The following TPD52 variants were observed in gnomAD, a reference collection of about 807,000 sequenced individuals.
TPD52 encodes the protein tumor protein D52, also known as prostate and colon associated protein.
A neutral mutation model predicts 31.3 loss-of-function variants in TPD52; 17 were observed. That is an observed-to-expected ratio of 0.54 (90% CI 0.37 to 0.82). TPD52 has a LOEUF of 0.82. TPD52 is among the 40% of genes least tolerant of loss of function. The probability of loss-of-function intolerance (pLI) is 0.00; values close to 1 mark genes in which losing one functional copy is unlikely to be tolerated. For synonymous variants in TPD52, 83 were observed against 89.6 expected, an observed-to-expected ratio of 0.93 and a Z score of 0.42; for missense variants, 212 against 240.1, an observed-to-expected ratio of 0.88 and a Z score of 0.77.
chr8:80,056,757 G>A (rs1244634356), intron 2 of TPD52, among the ~76,000 whole-genome samples: 1 of 152,184 alleles, frequency 6.6e-6, no homozygotes, highest in African/African-American at 2.4e-5. Context: ...CACAGCTGGT[G>A]AGAATGTAAA....
chr8:80,155,437 T>C (rs1183790016), intron 1 of TPD52, among the ~76,000 whole-genome samples: 1 of 151,864 alleles, frequency 6.6e-6, no homozygotes, highest in Non-Finnish European at 1.5e-5. Flanking sequence ...TCAAACCAGG[T>C]AGGGGGTGTC....
Position 80,064,462 on chromosome 8 carries a change from AGGAAT to A in TPD52, c.135+11_135+15del, listed in dbSNP as rs767963690. The A allele has an allele frequency of 1.3e-6, 2 of 1,595,640 alleles. No homozygotes were observed. Among genetic ancestry groups the A allele is most frequent in the Non-Finnish European group, 1.7e-6 (2 of 1,163,464 alleles). On this transcript the variant is annotated intron_variant, in intron 2 of 7. Transcript: ENST00000518937. ...TTAAGTGCAAAAATAAAGTTGCAAA[AGGAAT>A]GGTTCTTTACCTTTGCAAGTTCTCT...
chr8:80,129,610 A>G (rs923678055), intron 1 of TPD52, among the ~76,000 whole-genome samples: 2 of 152,046 alleles, frequency 1.3e-5, no homozygotes, highest in Admixed American at 1.3e-4. Flanking sequence ...TGTATGTTCC[A>G]TAGTTTGTTT....
chr8:80,038,426 C>T (rs1810066685), intron 7 of TPD52, among the ~76,000 whole-genome samples, 191 bp from the exon 8 acceptor site: 1 of 152,084 alleles, frequency 6.6e-6, no homozygotes, highest in Admixed American at 6.5e-5. Flanking sequence ...CTCATGCATT[C>T]TCCCTTGCTG....
intron 1 of TPD52, among the ~76,000 whole-genome samples, chr8:80,065,437 C>T (rs981849128): frequency 1.1e-4 from 17 of 151,906 alleles, no homozygotes; most frequent in African/African-American, 3.4e-4. Flanking sequence ...CCCCTTGGAA[C>T]GGAGCCTGTC....
chr8:80,070,617 C>T (rs1248745420), intron 1 of TPD52, among the ~76,000 whole-genome samples: 1 of 152,184 alleles, frequency 6.6e-6, no homozygotes, highest in Admixed American at 6.5e-5. Context: ...GGCGGTAATG[C>T]TCACTCGCCT....
intron 1 of TPD52, among the ~76,000 whole-genome samples, chr8:80,116,239 G>T (rs984152085): frequency 6.6e-6 from 1 of 152,136 alleles, no homozygotes; most frequent in Non-Finnish European, 1.5e-5. Context: ...GTCACTAAAA[G>T]ATGAATTCAA....
At chr8:80,098,591 T>C (rs909138725) in intron 1 of TPD52, among the ~76,000 whole-genome samples, 2 of 152,246 alleles carry the variant, frequency 1.3e-5, no homozygotes, top group Admixed American at 1.3e-4. Context: ...AGCTGCAATC[T>C]CATGATAACA....
At chr8:80,069,292 T>A (rs1252732700) in intron 1 of TPD52, among the ~76,000 whole-genome samples, 1 of 150,358 alleles carries the variant, frequency 6.7e-6, no homozygotes, top group Non-Finnish European at 1.5e-5. Context: ...AGTGAGATCC[T>A]GTCTCTACAA....
chr8:80,080,547 C>T (rs1399459466), intron 1 of TPD52: 11 of 1,507,260 alleles, frequency 7.3e-6, no homozygotes, highest in Non-Finnish European at 9.7e-6. Flanking sequence ...TAGGGTGCAA[C>T]TTCACTGAAG....
At chr8:80,126,595 C>T (rs1353768505) in intron 1 of TPD52, among the ~76,000 whole-genome samples, 1 of 151,244 alleles carries the variant, frequency 6.6e-6, no homozygotes, top group South Asian at 2.1e-4. Flanking sequence ...AATTCTCCCA[C>T]GTCAGGCTCC....
At chr8:80,085,881 T>C (rs1047068174) in intron 1 of TPD52, among the ~76,000 whole-genome samples, 1 of 152,058 alleles carries the variant, frequency 6.6e-6, no homozygotes, top group Non-Finnish European at 1.5e-5. Context: ...TCTTGGCCTT[T>C]TGGCTGAGAT....
intron 1 of TPD52, among the ~76,000 whole-genome samples, chr8:80,159,755 C>T (rs1811223836): frequency 6.6e-6 from 1 of 152,108 alleles, no homozygotes; most frequent in South Asian, 2.1e-4. Context: ...TAAAAATGAC[C>T]CAGTAAAACC....
At chr8:80,079,397 T>A (rs887020249) in intron 1 of TPD52, among the ~76,000 whole-genome samples, 1 of 152,134 alleles carries the variant, frequency 6.6e-6, no homozygotes, top group Admixed American at 6.5e-5. Flanking sequence ...GGCTACCAGG[T>A]GCAACCAAGA....
At chr8:80,116,114 A>C (rs182324982) in intron 1 of TPD52, among the ~76,000 whole-genome samples, 1 of 152,176 alleles carries the variant, frequency 6.6e-6, no homozygotes, top group Non-Finnish European at 1.5e-5. Flanking sequence ...CTAAGAATTT[A>C]CCCTCAGAAA....
chr8:80,094,403 T>C (rs1020097360), intron 1 of TPD52, among the ~76,000 whole-genome samples: 3 of 139,298 alleles, frequency 2.2e-5, no homozygotes, highest in Admixed American at 7.5e-5. Context: ...TGTGGCCATG[T>C]GACTAAGTTC....
chr8:80,144,563 G>A (rs745593000), intron 1 of TPD52, among the ~76,000 whole-genome samples: 1 of 152,102 alleles, frequency 6.6e-6, no homozygotes, highest in Non-Finnish European at 1.5e-5. Context: ...ATAACAGATA[G>A]GTGCCTCCTC....
intron 1 of TPD52, among the ~76,000 whole-genome samples, chr8:80,084,285 T>G (rs1290809102): frequency 6.6e-6 from 1 of 152,226 alleles, no homozygotes; most frequent in African/African-American, 2.4e-5. Flanking sequence ...GGCATGGGCC[T>G]GTGCTTCAGA....
chr8:80,150,385 G>A (rs1479170517), intron 1 of TPD52, among the ~76,000 whole-genome samples: 1 of 152,242 alleles, frequency 6.6e-6, no homozygotes, highest in Non-Finnish European at 1.5e-5. Context: ...CGAAATGTGG[G>A]TATGGAGCCC....
Sources: gnomAD v4.1 joint callset for allele counts (sites outside exome capture counted in the v4.1 genomes callset) on GRCh38, gnomAD v4.1.1 for gene constraint, MANE v1.5 for transcripts, NCBI Gene and HGNC (gene_info 2026-07-23, HGNC 2026-07-21) for gene names.